PIP5K1C: variants seen among roughly 807,000 people sequenced by gnomAD.
The protein encoded by PIP5K1C is phosphatidylinositol 4-phosphate 5-kinase type-1 gamma.
A neutral mutation model predicts 80.1 loss-of-function variants in PIP5K1C; 45 were observed. That is an observed-to-expected ratio of 0.56 (90% CI 0.44 to 0.72). PIP5K1C has a LOEUF of 0.72. Among genes scored for constraint, PIP5K1C ranks in the 30% least tolerant of loss-of-function variants. PIP5K1C has a pLI of 0.00. For synonymous variants in PIP5K1C, 498 were observed against 420.1 expected, an observed-to-expected ratio of 1.19 and a Z score of -2.27; for missense variants, 753 against 954.6, an observed-to-expected ratio of 0.79 and a Z score of 2.78.
rs561356567 is a variant in PIP5K1C at position 3,646,574 on chromosome 19, G to A, written c.1261-516C>T. Among the ~76,000 whole-genome samples, 40 of 152,312 alleles carry A rather than the reference G, an allele frequency of 2.6e-4. No homozygotes were observed. The Middle Eastern group carries it at 0.01, about 39-fold the overall frequency. ...GACAAGGACAACCCCAGGGACATGC[G>A]GCGGCAGCACAGGACACCCTGGCCA... On this transcript the variant is annotated intron_variant, in intron 10 of 17. Coordinates refer to ENST00000335312, the MANE Select transcript of PIP5K1C (RefSeq NM_012398.3).
At chr19:3,643,080 G>A (rs1568314778) in intron 13 of PIP5K1C, 141 bp from the exon 14 acceptor site, 1 of 1,462,124 alleles carries the variant, frequency 6.8e-7, no homozygotes, top group Non-Finnish European at 9.5e-7. Flanking sequence ...CCCACACATT[G>A]GATGCTCCGC....
At chr19:3,697,026 G>C (rs1016963503) in intron 1 of PIP5K1C, among the ~76,000 whole-genome samples, 1 of 151,344 alleles carries the variant, frequency 6.6e-6, no homozygotes, top group African/African-American at 2.4e-5. Context: ...GAGGAGGACC[G>C]AGCTGGACAA....
Position 3,646,068 on chromosome 19 carries a change from A to C in PIP5K1C, c.1261-10T>G. ...GGACGGACACCGTGTCCTGGAAGAG[A>C]GTTGGGGGGGGTGCCCGGGGGCAGA... is the stretch of plus-strand genomic sequence containing the variant. On this transcript the variant is annotated splice_polypyrimidine_tract_variant and intron_variant, in intron 10 of 17. Coordinates refer to ENST00000335312, the MANE Select transcript of PIP5K1C (RefSeq NM_012398.3). The C allele has an allele frequency of 2.0e-6, 3 of 1,530,308 alleles. No homozygotes were observed. The highest frequency in any genetic ancestry group is 2.7e-6 in the Non-Finnish European group (3 of 1,117,744). The allele number at this position is 1,530,308 out of a possible 1,614,324, so 94.8% of individuals were successfully genotyped here.
chr19:3,686,174 C>T (rs925634299), intron 1 of PIP5K1C, among the ~76,000 whole-genome samples: 7 of 152,178 alleles, frequency 4.6e-5, no homozygotes, highest in Admixed American at 1.3e-4. Flanking sequence ...AAATTTACTA[C>T]TCAGCCCTTT....
intron 10 of PIP5K1C, among the ~76,000 whole-genome samples, chr19:3,646,426 T>C (rs1466843873): frequency 1.3e-5 from 2 of 152,088 alleles, no homozygotes; most frequent in East Asian, 3.9e-4. Flanking sequence ...GATCTCGGCC[T>C]CCCAGAATGC....
intron 1 of PIP5K1C, among the ~76,000 whole-genome samples, chr19:3,682,419 C>T (rs1476029589): frequency 6.6e-6 from 1 of 151,124 alleles, no homozygotes; most frequent in African/African-American, 2.4e-5. Context: ...AGTTCTCATA[C>T]CTGTCATCCC....
intron 11 of PIP5K1C, among the ~76,000 whole-genome samples, chr19:3,645,007 G>C (rs1326809581): frequency 6.6e-6 from 1 of 152,252 alleles, no homozygotes; most frequent in Non-Finnish European, 1.5e-5. Flanking sequence ...TGTGGGGACA[G>C]GCTCAACGGC....
Position 3,656,574 on chromosome 19 carries a change from C to T in PIP5K1C, c.469-17G>A, listed in dbSNP as rs139538368. 1.2e-5 allele frequency: 20 copies of T among 1,612,700 alleles called. No homozygotes were observed. The East Asian group carries it at 1.6e-4, about 13-fold the overall frequency. On this transcript the variant is annotated splice_polypyrimidine_tract_variant and intron_variant, in intron 5 of 17. Transcript: ENST00000335312. ...CAGGGAGTACTGGAAGCAGAGGAGG[C>T]GGGTCAGCGGGCCCCAAGCTGCCGG...
intron 2 of PIP5K1C, 43 bp from the exon 3 acceptor site, chr19:3,664,957 G>T: frequency 6.8e-7 from 1 of 1,469,164 alleles, no homozygotes; most frequent in Non-Finnish European, 9.5e-7. Context: ...TAAGGAGCAC[G>T]CCCACCGGGA....
rs552912548 is a variant in PIP5K1C at position 3,679,477 on chromosome 19, C to T, written c.95-12124G>A. Among the ~76,000 whole-genome samples, 9 of 152,362 alleles carry T rather than the reference C, an allele frequency of 5.9e-5. No individual in the cohort carries two copies. In the South Asian group the frequency reaches 1.7e-3, roughly 28 times the overall value. Reference sequence around the variant, plus strand: ...CATCCCATTCTATTTCCTCACACTGCACATCAGTTGGGACTGATCTTGCTC... The same window carrying T: ...CATCCCATTCTATTTCCTCACACTGTACATCAGTTGGGACTGATCTTGCTC... On this transcript the variant is annotated intron_variant, in intron 1 of 17. Transcript: ENST00000335312.
chr19:3,641,634 T>C, intron 15 of PIP5K1C, 71 bp downstream of exon 15: 2 of 1,095,948 alleles, frequency 1.8e-6, no homozygotes, highest in South Asian at 1.2e-5. Context: ...TGATGAAACC[T>C]CGGGGTGCTC....
chr19:3,657,763 TA>T (rs10623803), intron 5 of PIP5K1C, among the ~76,000 whole-genome samples: 64 of 144,078 alleles, frequency 4.4e-4, no homozygotes, highest in Middle Eastern at 3.6e-3. Context: ...TCATCTGTAC[TA>T]AAAAAAAAAA....
Position 3,652,118 on chromosome 19 carries a change from G to A in PIP5K1C, c.922-87C>T, listed in dbSNP as rs912977110. On this transcript the variant is annotated intron_variant, in intron 7 of 17. Transcript: ENST00000335312. ...CCGGACCCTATGGGGTTCCCAGCAC[G>A]GATGGCCCCGTGGGCTCGGGTGTGA... 5.0e-5 allele frequency: 65 copies of A among 1,297,316 alleles called. No individual in the cohort carries two copies. In the African/African-American group the frequency reaches 5.7e-4, roughly 11 times the overall value. 80.4% of individuals were successfully genotyped at this position (1,297,316 alleles called of 1,614,324 possible).
Position 3,645,920 on chromosome 19 carries a change from C to T in PIP5K1C, c.1345+54G>A, listed in dbSNP as rs183743101. ...CCGCAGAGTCCCTCCTGCCCCACGG[C>T]GCTCTGGGCCTTCCCCAGGGTCCCT... is the stretch of plus-strand genomic sequence containing the variant. On this transcript the variant is annotated intron_variant, in intron 11 of 17. Coordinates refer to ENST00000335312, the MANE Select transcript of PIP5K1C (RefSeq NM_012398.3). The T allele has an allele frequency of 8.6e-4, 1,203 of 1,406,144 alleles. 7 individuals carry two copies. In the African/African-American group the frequency reaches 0.014, roughly 17 times the overall value. 87.1% of individuals were successfully genotyped at this position (1,406,144 alleles called of 1,614,324 possible).
chr19:3,678,214 TGGAGGGAC>T (rs2035451054), intron 1 of PIP5K1C, among the ~76,000 whole-genome samples: 1 of 69,956 alleles, frequency 1.4e-5, no homozygotes, highest in Non-Finnish European at 2.7e-5. Context: ...GATGGAGAGA[TGGAGGGAC>T]GGAGGGATGG....
chr19:3,643,276 G>A lies in PIP5K1C; in HGVS notation c.1616C>T (p.Ser539Phe), dbSNP rs1221925366. 1.2e-6 allele frequency: 2 copies of A among 1,613,922 alleles called. No homozygotes were observed. Among genetic ancestry groups the A allele is most frequent in the Non-Finnish European group, 1.7e-6 (2 of 1,179,966 alleles). Reference protein sequence around the residue: ...SSTSLSIPERSPSETSEQPRY... With the variant: ...SSTSLSIPERFPSETSEQPRY... ...CGGCTGCTCCGACGTCTCCGAGGGG[G>A]ACCGCTCAGGAATGGAGAGGGATGT... Residue 539 changes from serine (S) to phenylalanine (F), a missense_variant, in exon 13 of 18, where the codon TCC becomes TTC. Ser to Phe is a radical substitution (Grantham distance 155). This residue lies in a region of PIP5K1C where 315 missense variants were observed against 294.5 expected (regional missense o/e 1.07). Transcript: ENST00000335312.
Position 3,631,618 on chromosome 19 carries a change from G to A in PIP5K1C, c.*1549C>T, listed in dbSNP as rs1484765315. ...CGGCCCCTCTCCTGGGCAGAGTGGA[G>A]GGGCTGCTCTCGTGGAGTGTGTGTC... is the stretch of plus-strand genomic sequence containing the variant. On this transcript the variant is annotated 3_prime_UTR_variant, in exon 18 of 18. Transcript: ENST00000335312. The A allele has an allele frequency of 6.6e-6, 1 of 152,248 alleles. No individual in the cohort carries two copies. Among genetic ancestry groups the A allele is most frequent in the Non-Finnish European group, 1.5e-5 (1 of 68,086 alleles). 9.4% of individuals were successfully genotyped at this position (152,248 alleles called of 1,614,324 possible).
chr19:3,679,594 T>C (rs972346224), intron 1 of PIP5K1C, among the ~76,000 whole-genome samples: 1 of 152,090 alleles, frequency 6.6e-6, no homozygotes, highest in Non-Finnish European at 1.5e-5. Context: ...CACCGGTGAA[T>C]GGAGCTGGGG....
chr19:3,645,562 G>T (rs750725738), intron 11 of PIP5K1C, among the ~76,000 whole-genome samples: 1 of 152,164 alleles, frequency 6.6e-6, no homozygotes, highest in Admixed American at 6.5e-5. Context: ...TCCCCTGCCC[G>T]GGGTGCGTTT....
Sources: gnomAD v4.1 joint callset for allele counts (sites outside exome capture counted in the v4.1 genomes callset) on GRCh38, gnomAD v4.1.1 for gene constraint, gnomAD v4.1.1 regional missense constraint, MANE v1.5 for transcripts, NCBI Gene and HGNC (gene_info 2026-07-23, HGNC 2026-07-21) for gene names.